PRIMPOL: variants seen among roughly 807,000 people sequenced by gnomAD.
The protein encoded by PRIMPOL is primase and DNA directed polymerase.
A neutral mutation model predicts 63.6 loss-of-function variants in PRIMPOL; 54 were observed. The observed-to-expected ratio is 0.85, with a 90% CI of 0.68 to 1.07. The LOEUF (loss-of-function observed/expected upper bound fraction) is 1.07, where lower values mean the gene tolerates loss of function less well. PRIMPOL is among the 50% of genes least tolerant of loss of function. The pLI is 0.00. For synonymous variants in PRIMPOL, 197 were observed against 220.2 expected, an observed-to-expected ratio of 0.89 and a Z score of 0.93; for missense variants, 610 against 648.3, an observed-to-expected ratio of 0.94 and a Z score of 0.64.
At chr4:184,678,092 C>A (rs760674777) in intron 7 of PRIMPOL, 140 bp from the exon 8 acceptor site, 16 of 463,752 alleles carry the variant, frequency 3.5e-5, no homozygotes, top group African/African-American at 2.9e-4. Context: ...TTATATAGTG[C>A]TTTAATTTTA....
chr4:184,666,209 C>T, intron 6 of PRIMPOL, 145 bp downstream of exon 6: 1 of 591,746 alleles, frequency 1.7e-6, no homozygotes. Flanking sequence ...TGCAGTGGCT[C>T]ACACCTGCAA....
chr4:184,675,194 T>G lies in PRIMPOL; in HGVS notation c.844+2734T>G, dbSNP rs567009230. Among the ~76,000 whole-genome samples, 9 of 152,374 alleles carry G rather than the reference T, an allele frequency of 5.9e-5. No homozygotes were observed. The South Asian group carries it at 1.2e-3, about 21-fold the overall frequency. On this transcript the variant is annotated intron_variant, in intron 7 of 13. Transcript: ENST00000314970. ...AAGAACTTATTATGGCAGTGTAGTA[T>G]GTACTATGGTTAATCTTATGCAGTT...
At chr4:184,688,083 A>G (rs952715946) in intron 11 of PRIMPOL, among the ~76,000 whole-genome samples, 3 of 152,210 alleles carry the variant, frequency 2.0e-5, no homozygotes, top group African/African-American at 7.2e-5. Context: ...GCCACAGTTT[A>G]TCTGTTTTCC....
chr4:184,658,471 A>G (rs1313775323), intron 3 of PRIMPOL, among the ~76,000 whole-genome samples: 1 of 152,222 alleles, frequency 6.6e-6, no homozygotes, highest in Non-Finnish European at 1.5e-5. Context: ...TCACTCATGA[A>G]AAGAAAAATA....
At position 184,689,746 on chromosome 4, in the gene PRIMPOL, G is replaced by A. The variant is rs539999152; in HGVS notation, c.1296-1753G>A. Among the ~76,000 whole-genome samples, 4 of 152,186 alleles carry A rather than the reference G, an allele frequency of 2.6e-5. No homozygotes were observed. The East Asian group carries it at 7.7e-4, about 29-fold the overall frequency. ...TGGGATTACAGGCGCGAGCCACCATGCCCGGCCTGATGTTAATGGTGCTTT... is the reference window on the plus strand; with the variant it reads ...TGGGATTACAGGCGCGAGCCACCATACCCGGCCTGATGTTAATGGTGCTTT... On this transcript the variant is annotated intron_variant, in intron 11 of 13. Coordinates refer to ENST00000314970, the MANE Select transcript of PRIMPOL (RefSeq NM_152683.4).
intron 6 of PRIMPOL, among the ~76,000 whole-genome samples, chr4:184,670,211 G>A (rs535815799): frequency 5.3e-5 from 8 of 152,242 alleles, no homozygotes; most frequent in East Asian, 1.9e-4. Context: ...GGCCATGGTC[G>A]CTCCATGCCA....
At chr4:184,685,355 T>C in intron 9 of PRIMPOL, 54 bp from the exon 10 acceptor site, 1 of 1,322,176 alleles carries the variant, frequency 7.6e-7, no homozygotes, top group East Asian at 2.3e-5. Flanking sequence ...TAATCAAAAT[T>C]TAACTTCTCA....
In PRIMPOL at chr4:184,694,548, A is replaced by C. The variant is rs1760079346; in HGVS notation, c.1452A>C (p.Ala484=). The change falls in exon 14 of 14, where the codon GCA becomes GCC. Residue 484 remains alanine, a synonymous_variant. Coordinates refer to ENST00000314970, the MANE Select transcript of PRIMPOL (RefSeq NM_152683.4). Reference sequence around the variant, plus strand: ...AAGAAGAGTTTACAACAGATGAAGCAGATGAAACTAGGAGCAATGAAACCC... The same window carrying C: ...AAGAAGAGTTTACAACAGATGAAGCCGATGAAACTAGGAGCAATGAAACCC... ...KEEEEFTTDE[A]DETRSNETQN... 1 of 1,611,764 alleles carries C rather than the reference A, an allele frequency of 6.2e-7. No individual in the cohort carries two copies.
chr4:184,659,258 C>G, intron 3 of PRIMPOL, 82 bp from the exon 4 acceptor site: 1 of 997,628 alleles, frequency 1.0e-6, no homozygotes. Context: ...ATGAAAAATT[C>G]TTTATGAACA....
At position 184,672,449 on chromosome 4, in the gene PRIMPOL, T is replaced by C; in HGVS notation, c.833T>C (p.Phe278Ser). 1.3e-6 allele frequency: 2 copies of C among 1,566,886 alleles called. No individual in the cohort carries two copies. Among genetic ancestry groups the C allele is most frequent in the South Asian group, 1.1e-5 (1 of 88,354 alleles). Reference protein sequence around the residue: ...VKNNMGEKHLFVDLGVYTRNR... With the variant: ...VKNNMGEKHLSVDLGVYTRNR... Reference sequence around the variant, plus strand: ...AATAACATGGGAGAGAAGCATCTTTTTGTAGATCTCGGTAAGTAAGATTGA... The same window carrying C: ...AATAACATGGGAGAGAAGCATCTTTCTGTAGATCTCGGTAAGTAAGATTGA... The change falls in exon 7 of 14, where the codon TTT (phenylalanine) becomes TCT (serine). Residue 278 changes from phenylalanine to serine, a missense_variant. Physicochemically the swap from Phe to Ser is radical, Grantham distance 155. Coordinates refer to ENST00000314970, the MANE Select transcript of PRIMPOL (RefSeq NM_152683.4).
In PRIMPOL at chr4:184,686,198, G is replaced by A. The variant is rs146628984; in HGVS notation, c.1295+514G>A. On this transcript the variant is annotated intron_variant, in intron 11 of 13. Transcript: ENST00000314970. ...GTTGCTTCTAGCATGTCAGCTTTAT[G>A]TGTACTTTCTTTGCTAAGATAACCC... is the stretch of plus-strand genomic sequence containing the variant. 7.1e-3 allele frequency among the ~76,000 whole-genome samples: 1,074 copies of A among 152,294 alleles called. 10 individuals are homozygous for A. Among genetic ancestry groups the A allele is most frequent in the Non-Finnish European group, 0.011 (750 of 68,010 alleles).
chr4:184,653,597 G>A (rs942429454), intron 2 of PRIMPOL, among the ~76,000 whole-genome samples: 4 of 152,170 alleles, frequency 2.6e-5, no homozygotes, highest in African/African-American at 7.2e-5. Flanking sequence ...TGGTCCACCC[G>A]CCTGGGCCTC....
At position 184,649,811 on chromosome 4, in the gene PRIMPOL, C is replaced by G. The variant is rs1054558347; in HGVS notation, c.-235C>G. The G allele has an allele frequency of 6.6e-6, 1 of 152,328 alleles. No individual in the cohort carries two copies. The highest frequency in any genetic ancestry group is 1.5e-5 in the Non-Finnish European group (1 of 68,116). 9.4% of individuals were successfully genotyped at this position (152,328 alleles called of 1,614,324 possible). A position where few individuals can be genotyped will look rare whatever the true frequency, so the allele number is the denominator to read the frequency against. On this transcript the variant is annotated 5_prime_UTR_variant, in exon 1 of 14. Coordinates refer to ENST00000314970, the MANE Select transcript of PRIMPOL (RefSeq NM_152683.4). ...GGGAAATTGAGGGAGACTTGGAAAC[C>G]GCGCCAGGCCCAACGGGTACCTAGA...
At chr4:184,659,099 T>C (rs889653044) in intron 3 of PRIMPOL, among the ~76,000 whole-genome samples, 17 of 152,330 alleles carry the variant, frequency 1.1e-4, no homozygotes, top group African/African-American at 4.1e-4. Context: ...TCCTTTTTTC[T>C]CTTTGGTCTG....
chr4:184,685,744 C>T, intron 11 of PRIMPOL, 60 bp downstream of exon 11: 1 of 715,578 alleles, frequency 1.4e-6, no homozygotes, highest in Non-Finnish European at 2.2e-6. Flanking sequence ...ATATTTATAA[C>T]TTTTAAAGTT....
At chr4:184,683,840 A>G (rs1026321243) in intron 9 of PRIMPOL, among the ~76,000 whole-genome samples, 7 of 152,194 alleles carry the variant, frequency 4.6e-5, no homozygotes, top group African/African-American at 1.7e-4. Context: ...AACAAAATTG[A>G]ATTGGTTATA....
chr4:184,692,427 T>C (rs973856199), intron 13 of PRIMPOL, among the ~76,000 whole-genome samples: 17 of 122,710 alleles, frequency 1.4e-4, no homozygotes, highest in Non-Finnish European at 2.4e-4. Flanking sequence ...TGAGCTGATA[T>C]CACGCCATTA....
In PRIMPOL at chr4:184,694,573, C is replaced by G. The variant is rs147304362; in HGVS notation, c.1477C>G (p.Gln493Glu). 1.2e-4 allele frequency: 192 copies of G among 1,613,952 alleles called. 1 individual carries two copies. Among genetic ancestry groups the G allele is most frequent in the Middle Eastern group, 4.9e-4 (3 of 6,084 alleles). ...AGATGAAACTAGGAGCAATGAAACC[C>G]AGAATCCTCATAAACCATCACCTAG... is the stretch of plus-strand genomic sequence containing the variant. ...EADETRSNETQNPHKPSPSRL... is the reference protein window; with the variant it reads ...EADETRSNETENPHKPSPSRL... Residue 493 changes from glutamine (Q) to glutamate (E), a missense_variant, in exon 14 of 14, where the codon CAG (glutamine) becomes GAG (glutamate). By Grantham distance (29) the Gln-to-Glu change is conservative. This residue lies in a region of PRIMPOL where 444 missense variants were observed against 456.4 expected (regional missense o/e 0.97). Coordinates refer to ENST00000314970, the MANE Select transcript of PRIMPOL (RefSeq NM_152683.4).
At chr4:184,670,282 T>C (rs1011137856) in intron 6 of PRIMPOL, among the ~76,000 whole-genome samples, 1 of 152,200 alleles carries the variant, frequency 6.6e-6, no homozygotes. Context: ...CAACCATGCA[T>C]TCTCTTCCCT....
Sources: gnomAD v4.1 joint callset for allele counts (sites outside exome capture counted in the v4.1 genomes callset) on GRCh38, gnomAD v4.1.1 for gene constraint, gnomAD v4.1.1 regional missense constraint, MANE v1.5 for transcripts, NCBI Gene and HGNC (gene_info 2026-07-23, HGNC 2026-07-21) for gene names.